The following NUMA1 variants were observed in gnomAD, a reference collection of about 807,000 sequenced individuals.
The protein encoded by NUMA1 is SP-H antigen.
Under a neutral mutation model 237.1 loss-of-function variants are expected in NUMA1, and 62 were observed. That is an observed-to-expected ratio of 0.26 (90% confidence interval 0.21 to 0.32). The LOEUF is 0.32. Among genes scored for constraint, NUMA1 ranks in the 10% least tolerant of loss-of-function variants. The pLI, the probability that NUMA1 is intolerant of heterozygous loss-of-function variation, is 1.00. For missense variants in NUMA1, 2,533 were observed against 2,666.5 expected (o/e 0.95, Z 1.10); for synonymous variants, 1,028 against 1,066.1 (o/e 0.96, Z 0.70).
chr11:72,004,068 A>G lies in NUMA1; in HGVS notation c.6155T>C (p.Ile2052Thr), dbSNP rs754423773. 6.2e-7 allele frequency: 1 copy of G among 1,613,250 alleles called. No individual in the cohort carries two copies. Among genetic ancestry groups the G allele is most frequent in the African/African-American group, 1.3e-5 (1 of 74,866 alleles). The change falls in exon 26 of 27, where the codon ATC (isoleucine) becomes ACC (threonine). Residue 2052 changes from isoleucine (I) to threonine (T), a missense_variant. By Grantham distance (89) the Ile-to-Thr change is moderately conservative. Coordinates refer to ENST00000393695, the MANE Select transcript of NUMA1 (RefSeq NM_006185.4). Reference sequence around the variant, plus strand: ...CCCTAGCTTCTTGGGTGTGTTGAGGATGCTGAAGGCCATCGACTGGCGCCG... The same window carrying G: ...CCCTAGCTTCTTGGGTGTGTTGAGGGTGCTGAAGGCCATCGACTGGCGCCG... ...ADRRQSMAFS[I>T]LNTPKKLGNS...
rs1001681713 is a variant in NUMA1, at chr11:72,024,912, G to GTTTT, written c.129-560_129-559insAAAA. The GTTTT allele has an allele frequency of 1.5e-4, 23 of 155,102 alleles. 1 individual carries two copies. The highest frequency in any genetic ancestry group is 2.7e-4 in the Non-Finnish European group (19 of 70,370). 9.6% of individuals were successfully genotyped at this position (155,102 alleles called of 1,614,324 possible). ...TAGAGTGTTGTTTGTTTGTTTGTTT[G>GTTTT]TTTGAGACAGAATCTCGCTCTGTTG... On this transcript the variant is annotated intron_variant, in intron 4 of 26. Transcript: ENST00000393695.
Position 72,018,430 on chromosome 11 carries a change from T to G in NUMA1, c.826A>C (p.Lys276Gln). The G allele has an allele frequency of 6.2e-7, 1 of 1,614,116 alleles. No homozygotes were observed. The highest frequency in any genetic ancestry group is 1.1e-5 in the South Asian group (1 of 91,078). The change falls in exon 11 of 27, where the codon AAG becomes CAG. Residue 276 changes from lysine (K) to glutamine (Q), a missense_variant. Physicochemically the swap from Lys to Gln is moderately conservative, Grantham distance 53. Around this residue, in one of 3 missense-constraint regions of NUMA1, gnomAD observed 1,414 missense variants for 1,508.1 expected, o/e 0.94. Coordinates refer to ENST00000393695, the MANE Select transcript of NUMA1 (RefSeq NM_006185.4). ...EKQAASPLEP[K>Q]ELEELRDKNE... ...TTGTCACGCAGCTCCTCAAGCTCCT[T>G]GGGCTCCAGTGGGCTGGCCGCCTGC...
intron 2 of NUMA1, among the ~76,000 whole-genome samples, chr11:72,061,380 A>G (rs867581490): frequency 8.5e-5 from 13 of 152,354 alleles, no homozygotes; most frequent in Admixed American, 6.5e-5. Context: ...TCCCAAAGGA[A>G]AGAGCCCAAA....
intron 2 of NUMA1, chr11:72,047,973 C>T (rs964127205): frequency 5.9e-5 from 9 of 152,136 alleles, no homozygotes; most frequent in Admixed American, 3.3e-4. Flanking sequence ...TTTTAGTATA[C>T]ATGCTGCCGA....
chr11:72,029,206 T>C lies in NUMA1; in HGVS notation c.127A>G (p.Ile43Val). ...CSIFIKIIDRIHGTEEGQQIL... is the reference protein window; with the variant it reads ...CSIFIKIIDRVHGTEEGQQIL... ...GAAAGGGGTATGGTGCGTACTCACA[T>C]TCTGTCAATGATCTTGATGAAGATG... The change falls in exon 4 of 27, where the codon ATC (isoleucine) becomes GTC (valine). Residue 43 changes from isoleucine to valine, a missense_variant and splice_region_variant. Coordinates refer to ENST00000393695, the MANE Select transcript of NUMA1 (RefSeq NM_006185.4). 1 of 1,610,304 alleles carries C rather than the reference T, an allele frequency of 6.2e-7. No individual in the cohort carries two copies. Among genetic ancestry groups the C allele is most frequent in the Non-Finnish European group, 8.5e-7 (1 of 1,178,482 alleles).
chr11:72,007,172 T>TCC lies in NUMA1; in HGVS notation c.5463+16_5463+17insGG. The TCC allele has an allele frequency of 6.2e-7, 1 of 1,604,416 alleles. No individual in the cohort carries two copies. The highest frequency in any genetic ancestry group is 8.5e-7 in the Non-Finnish European group (1 of 1,179,710). ...GTGGGAATTGCTGCCCTGCAGCCCC[T>TCC]GTCCCAGCAGCCTGACCTTGGTCAT... On this transcript the variant is annotated intron_variant, in intron 21 of 26. Transcript: ENST00000393695.
chr11:72,065,716 C>T (rs1289792277), intron 2 of NUMA1: 1 of 152,162 alleles, frequency 6.6e-6, no homozygotes, highest in African/African-American at 2.4e-5. Context: ...GAAAAGCCTG[C>T]TCCTTGTGTG....
intron 16 of NUMA1, among the ~76,000 whole-genome samples, chr11:72,011,244 A>G (rs1956142469): frequency 1.3e-5 from 2 of 152,228 alleles, no homozygotes; most frequent in Non-Finnish European, 2.9e-5. Context: ...TCTAGTAGAC[A>G]TACTCAATGA....
chr11:72,011,558 C>T (rs1401295133), intron 16 of NUMA1, among the ~76,000 whole-genome samples: 1 of 152,228 alleles, frequency 6.6e-6, no homozygotes, highest in Non-Finnish European at 1.5e-5. Context: ...AGGGGAGAGG[C>T]AAGGGCTCCA....
intron 4 of NUMA1, among the ~76,000 whole-genome samples, chr11:72,025,345 G>C (rs1018619219): frequency 6.6e-6 from 1 of 151,964 alleles, no homozygotes; most frequent in Admixed American, 6.6e-5. Context: ...CCAAGCGACA[G>C]AGATTACAGT....
chr11:72,019,659 T>C, intron 8 of NUMA1, 42 bp from the exon 9 acceptor site: 1 of 1,600,430 alleles, frequency 6.2e-7, no homozygotes, highest in Non-Finnish European at 8.5e-7. Flanking sequence ...CAAAGGTTAG[T>C]AAGAAGGTGT....
chr11:72,044,602 T>TGGG, intron 2 of NUMA1, among the ~76,000 whole-genome samples: 1 of 139,514 alleles, frequency 7.2e-6, no homozygotes, highest in East Asian at 2.1e-4. Context: ...GGGGTTACTT[T>TGGG]GGGGGGGGGG....
At chr11:72,049,697 T>C (rs545191626) in intron 2 of NUMA1, among the ~76,000 whole-genome samples, 56 of 145,690 alleles carry the variant, frequency 3.8e-4, no homozygotes, top group Admixed American at 3.5e-3. Flanking sequence ...CGGTTATGTG[T>C]CTGTAGTCCT....
chr11:72,042,126 C>T (rs1941719667), intron 2 of NUMA1: 1 of 152,266 alleles, frequency 6.6e-6, no homozygotes. Flanking sequence ...GCTTCTCCTA[C>T]ATGGCTGAAA....
intron 2 of NUMA1, among the ~76,000 whole-genome samples, chr11:72,064,979 G>A: frequency 6.6e-6 from 1 of 152,168 alleles, no homozygotes; most frequent in East Asian, 1.9e-4. Flanking sequence ...TTGTATATGT[G>A]TATGTATACG....
chr11:72,066,285 G>A (rs538973518), intron 2 of NUMA1: 4 of 150,150 alleles, frequency 2.7e-5, no homozygotes, highest in South Asian at 2.1e-4. Context: ...GGCAACAAGA[G>A]CGAAACTCTG....
At chr11:72,005,528 G>C in intron 22 of NUMA1, 159 bp from the exon 23 acceptor site, 2 of 643,116 alleles carry the variant, frequency 3.1e-6, no homozygotes, top group South Asian at 4.0e-5. Flanking sequence ...ACGGCACACA[G>C]ACTATTTCTA....
chr11:72,037,276 C>G (rs1037685557), intron 2 of NUMA1, among the ~76,000 whole-genome samples: 2 of 152,128 alleles, frequency 1.3e-5, no homozygotes, highest in African/African-American at 4.8e-5. Context: ...GAGACCAAGG[C>G]GGGTGGATCG....
At chr11:72,033,932 A>C (rs1208913434) in intron 3 of NUMA1, among the ~76,000 whole-genome samples, 1 of 152,144 alleles carries the variant, frequency 6.6e-6, no homozygotes, top group Non-Finnish European at 1.5e-5. Flanking sequence ...CAGCCTGGGC[A>C]ACTTAGCAAG....
Sources: gnomAD v4.1 joint callset for allele counts (sites outside exome capture counted in the v4.1 genomes callset) on GRCh38, gnomAD v4.1.1 for gene constraint, gnomAD v4.1.1 regional missense constraint, MANE v1.5 for transcripts, NCBI Gene and HGNC (gene_info 2026-07-23, HGNC 2026-07-21) for gene names.